Variants in TDRD3 observed in about 807,000 individuals in gnomAD.
TDRD3 encodes the protein tudor domain-containing protein 3.
Under a neutral mutation model 86.7 loss-of-function variants are expected in TDRD3, and 45 were observed. The observed-to-expected ratio is 0.52, with a 90% confidence interval of 0.41 to 0.67. The LOEUF (loss-of-function observed/expected upper bound fraction) is 0.67. TDRD3 is among the 30% of genes least tolerant of loss of function. The probability of loss-of-function intolerance (pLI) is 0.00; values close to 1 mark genes in which losing one functional copy is unlikely to be tolerated. For synonymous variants in TDRD3, 298 were observed against 301.7 expected, an observed-to-expected ratio of 0.99 and a Z score of 0.13; for missense variants, 814 against 889.0, an observed-to-expected ratio of 0.92 and a Z score of 1.07.
At chr13:60,494,644 C>A in intron 8 of TDRD3, 69 bp downstream of exon 8, 1 of 1,468,114 alleles carries the variant, frequency 6.8e-7, no homozygotes, top group Non-Finnish European at 9.3e-7. Context: ...TTCTTTCTTA[C>A]CACCACCACT....
chr13:60,568,832 AT>A (rs1958520665), intron 13 of TDRD3, among the ~76,000 whole-genome samples: 2 of 152,370 alleles, frequency 1.3e-5, no homozygotes, highest in South Asian at 4.1e-4. Context: ...ATATGATCTT[AT>A]ATTTAGAAAA....
At chr13:60,480,782 A>C (rs144357988) in intron 5 of TDRD3, among the ~76,000 whole-genome samples, 6,770 of 152,082 alleles carry the variant, frequency 0.045, 206 homozygotes, top group Non-Finnish European at 0.064. Flanking sequence ...GGAGGGCCCC[A>C]CAGGCAGGGG....
chr13:60,534,738 C>T (rs768489074), intron 11 of TDRD3, among the ~76,000 whole-genome samples: 18 of 151,854 alleles, frequency 1.2e-4, no homozygotes, highest in African/African-American at 2.4e-4. Flanking sequence ...CCAGCCTGGG[C>T]GACATGGTGA....
intron 3 of TDRD3, among the ~76,000 whole-genome samples, chr13:60,459,109 C>T (rs1024249977): frequency 1.3e-5 from 2 of 152,122 alleles, no homozygotes; most frequent in African/African-American, 4.8e-5. Context: ...AACAAAATTA[C>T]TCCTTTTTTA....
chr13:60,528,435 G>A lies in TDRD3; in HGVS notation c.1210G>A (p.Val404Ile). The A allele has an allele frequency of 1.9e-6, 3 of 1,609,272 alleles. No individual in the cohort carries two copies. The highest frequency in any genetic ancestry group is 2.5e-6 in the Non-Finnish European group (3 of 1,177,430). Residue 404 changes from valine (V) to isoleucine (I), a missense_variant, in exon 11 of 14, where the codon GTA becomes ATA. Coordinates refer to ENST00000377881, the MANE Select transcript of TDRD3 (RefSeq NM_001146070.2). ...YRSSNTEQNG[V>I]KDNNHLRHPP... ...ATCATCAAATACTGAGCAAAATGGAGTAAAAGATAATAATCATCTGAGACA... is the reference window on the plus strand; with the variant it reads ...ATCATCAAATACTGAGCAAAATGGAATAAAAGATAATAATCATCTGAGACA...
chr13:60,435,933 C>CTTTTTTTTTTTTTTTT (rs1175974016), intron 1 of TDRD3, among the ~76,000 whole-genome samples: 43 of 114,130 alleles, frequency 3.8e-4, no homozygotes, highest in South Asian at 6.4e-4. Flanking sequence ...TTTTTTTTTA[C>CTTTTTTTTTTTTTTTT]TTTTTAATTA....
chr13:60,415,840 A>C (rs1212496149), intron 1 of TDRD3, among the ~76,000 whole-genome samples: 1 of 152,124 alleles, frequency 6.6e-6, no homozygotes, highest in African/African-American at 2.4e-5. Flanking sequence ...GGATAGGTGA[A>C]GAGATCAAGG....
At chr13:60,485,040 C>T (rs1197189112) in intron 6 of TDRD3, among the ~76,000 whole-genome samples, 1 of 151,982 alleles carries the variant, frequency 6.6e-6, no homozygotes, top group African/African-American at 2.4e-5. Flanking sequence ...CATCTTGCAG[C>T]CTTGTACATG....
At chr13:60,467,486 A>G in intron 5 of TDRD3, 107 bp downstream of exon 5, 3 of 1,186,390 alleles carry the variant, frequency 2.5e-6, no homozygotes, top group Non-Finnish European at 3.6e-6. Context: ...TCGGAGTTGA[A>G]TAGAATGGAA....
At chr13:60,499,838 A>G (rs1566247194) in intron 8 of TDRD3, among the ~76,000 whole-genome samples, 1 of 152,170 alleles carries the variant, frequency 6.6e-6, no homozygotes, top group Non-Finnish European at 1.5e-5. Context: ...GCAACACATT[A>G]CTCATTTGGA....
At chr13:60,521,423 A>C (rs1265004922) in intron 10 of TDRD3, among the ~76,000 whole-genome samples, 3 of 152,064 alleles carry the variant, frequency 2.0e-5, no homozygotes, top group Non-Finnish European at 4.4e-5. Flanking sequence ...CCCTACTCTC[A>C]ACGTAGTAAC....
intron 2 of TDRD3, 23 bp from the exon 3 acceptor site, chr13:60,444,660 T>C (rs1219329000): frequency 8.0e-7 from 1 of 1,244,908 alleles, no homozygotes; most frequent in African/African-American, 1.6e-5. Context: ...AATTCCATTT[T>C]AATAATAATA....
chr13:60,423,151 G>T (rs1458979679), intron 1 of TDRD3, among the ~76,000 whole-genome samples: 1 of 152,166 alleles, frequency 6.6e-6, no homozygotes, highest in Non-Finnish European at 1.5e-5. Context: ...TCAAAGAAAA[G>T]TCAGTGGAAG....
intron 8 of TDRD3, 88 bp from the exon 9 acceptor site, chr13:60,509,675 T>G: frequency 6.7e-7 from 1 of 1,501,982 alleles, no homozygotes; most frequent in Non-Finnish European, 9.1e-7. Context: ...GGGATGTAAT[T>G]TTTAGTTAAA....
At chr13:60,436,591 T>G (rs564745145) in intron 1 of TDRD3, among the ~76,000 whole-genome samples, 6 of 152,310 alleles carry the variant, frequency 3.9e-5, no homozygotes, top group African/African-American at 1.4e-4. Flanking sequence ...GTATTTGGCT[T>G]TATTTCGAGG....
intron 1 of TDRD3, chr13:60,433,979 A>C (rs1304784682): frequency 6.6e-6 from 1 of 152,192 alleles, no homozygotes. Flanking sequence ...AGTTTAAAAC[A>C]ATAGTGTTTG....
At chr13:60,426,463 A>G (rs903891960) in intron 1 of TDRD3, among the ~76,000 whole-genome samples, 11 of 152,238 alleles carry the variant, frequency 7.2e-5, no homozygotes, top group African/African-American at 2.7e-4. Flanking sequence ...TAGATATGTT[A>G]ATAAGCTTCA....
chr13:60,398,562 A>C (rs1594884845), intron 1 of TDRD3, among the ~76,000 whole-genome samples: 1 of 152,334 alleles, frequency 6.6e-6, no homozygotes, highest in Middle Eastern at 3.4e-3. Context: ...GGATATAATC[A>C]CAACTGTGCT....
chr13:60,426,076 T>C (rs1954796911), intron 1 of TDRD3, among the ~76,000 whole-genome samples: 2 of 152,128 alleles, frequency 1.3e-5, no homozygotes, highest in Admixed American at 1.3e-4. Flanking sequence ...GTATTTACAA[T>C]GGGATATAAT....
Sources: gnomAD v4.1 joint callset for allele counts (sites outside exome capture counted in the v4.1 genomes callset) on GRCh38, gnomAD v4.1.1 for gene constraint, MANE v1.5 for transcripts, NCBI Gene and HGNC (gene_info 2026-07-23, HGNC 2026-07-21) for gene names.